CNTN3: variants seen among roughly 807,000 people sequenced by gnomAD.
The protein encoded by CNTN3 is contactin 3.
CNTN3 carries 60 observed loss-of-function variants against 119.1 expected under a neutral mutation model. That is an observed-to-expected ratio of 0.50 (90% confidence interval 0.41 to 0.62). The LOEUF (loss-of-function observed/expected upper bound fraction) is 0.62, where lower values mean the gene tolerates loss of function less well. Among genes scored for constraint, CNTN3 ranks in the 20% least tolerant of loss-of-function variants. The probability of loss-of-function intolerance (pLI) is 0.00; values close to 1 mark genes in which losing one functional copy is unlikely to be tolerated. For missense variants in CNTN3, 1,101 were observed against 1,242.4 expected, an observed-to-expected ratio of 0.89 and a Z score of 1.71; for synonymous variants, 450 against 438.7, an observed-to-expected ratio of 1.03 and a Z score of -0.32.
At chr3:74,328,992 T>C (rs1373387650) in intron 13 of CNTN3, among the ~76,000 whole-genome samples, 1 of 152,182 alleles carries the variant, frequency 6.6e-6, no homozygotes, top group Non-Finnish European at 1.5e-5. Flanking sequence ...AAACTCAGAA[T>C]ACCCCCAGAA....
chr3:74,388,962 C>A (rs979804744), intron 5 of CNTN3, among the ~76,000 whole-genome samples: 1 of 152,164 alleles, frequency 6.6e-6, no homozygotes, highest in Non-Finnish European at 1.5e-5. Flanking sequence ...GATCGATACA[C>A]GTACTCTGGC....
At chr3:74,348,558 A>T (rs1703745740) in intron 11 of CNTN3, among the ~76,000 whole-genome samples, 1 of 152,104 alleles carries the variant, frequency 6.6e-6, no homozygotes, top group African/African-American at 2.4e-5. Flanking sequence ...ATGATAGCAT[A>T]GGAAGCCTAC....
At chr3:74,285,821 A>AT (rs1342529563) in intron 19 of CNTN3, among the ~76,000 whole-genome samples, 1 of 131,312 alleles carries the variant, frequency 7.6e-6, no homozygotes, top group Non-Finnish European at 1.6e-5. Flanking sequence ...ATATATATAT[A>AT]TATATATATA....
intron 19 of CNTN3, among the ~76,000 whole-genome samples, chr3:74,289,499 G>A (rs888354198): frequency 6.6e-6 from 1 of 151,812 alleles, no homozygotes; most frequent in Non-Finnish European, 1.5e-5. Context: ...GTGGCCACTG[G>A]GTCCCACACT....
At chr3:74,339,860 A>G (rs919363419) in intron 11 of CNTN3, among the ~76,000 whole-genome samples, 2 of 151,800 alleles carry the variant, frequency 1.3e-5, no homozygotes, top group Non-Finnish European at 2.9e-5. Context: ...TAATACAAAC[A>G]CACACACATA....
At chr3:74,404,740 CT>C in intron 5 of CNTN3, among the ~76,000 whole-genome samples, 1 of 152,042 alleles carries the variant, frequency 6.6e-6, no homozygotes, top group South Asian at 2.1e-4. Context: ...CAAGATTTTT[CT>C]ACTGTGTGTT....
At chr3:74,383,738 G>C (rs924444208) in intron 5 of CNTN3, among the ~76,000 whole-genome samples, 4 of 152,246 alleles carry the variant, frequency 2.6e-5, no homozygotes, top group Non-Finnish European at 4.4e-5. Context: ...ACTCACTTCA[G>C]CCTCCCAAAG....
chr3:74,378,996 T>C (rs1253753650), intron 5 of CNTN3, among the ~76,000 whole-genome samples: 1 of 152,212 alleles, frequency 6.6e-6, no homozygotes, highest in African/African-American at 2.4e-5. Flanking sequence ...GAGCTATTTC[T>C]ACTAGGTAAC....
intron 4 of CNTN3, among the ~76,000 whole-genome samples, chr3:74,482,195 A>C (rs1261352769): frequency 6.6e-6 from 1 of 152,008 alleles, no homozygotes; most frequent in Non-Finnish European, 1.5e-5. Context: ...TAGCCAGAAA[A>C]GGATAAATAG....
intron 5 of CNTN3, among the ~76,000 whole-genome samples, chr3:74,374,305 A>T (rs1225915686): frequency 1.3e-5 from 2 of 150,798 alleles, no homozygotes. Context: ...TAATAAAAAA[A>T]CTTCTCCAGT....
chr3:74,324,650 T>C (rs1278589992), intron 13 of CNTN3, among the ~76,000 whole-genome samples: 1 of 152,180 alleles, frequency 6.6e-6, no homozygotes, highest in Non-Finnish European at 1.5e-5. Context: ...CAAAATAGTC[T>C]TCTGTAACCT....
intron 1 of CNTN3, among the ~76,000 whole-genome samples, chr3:74,565,388 C>T (rs890735737): frequency 1.3e-5 from 2 of 152,162 alleles, no homozygotes; most frequent in Non-Finnish European, 2.9e-5. Context: ...GTCACATCTC[C>T]TCTACCACTC....
intron 5 of CNTN3, among the ~76,000 whole-genome samples, chr3:74,413,911 A>T (rs1344198996): frequency 6.6e-6 from 1 of 152,212 alleles, no homozygotes; most frequent in Non-Finnish European, 1.5e-5. Flanking sequence ...CAGACAGAGC[A>T]ACAGTCACAG....
At chr3:74,405,251 T>A (rs1388158537) in intron 5 of CNTN3, among the ~76,000 whole-genome samples, 1 of 152,076 alleles carries the variant, frequency 6.6e-6, no homozygotes, top group Non-Finnish European at 1.5e-5. Flanking sequence ...TCCACACTCA[T>A]CGATAATCTA....
intron 4 of CNTN3, among the ~76,000 whole-genome samples, chr3:74,462,551 A>G (rs1327457982): frequency 1.3e-5 from 2 of 152,078 alleles, no homozygotes; most frequent in Non-Finnish European, 2.9e-5. Context: ...ATTAGATTGG[A>G]TATCAGCCAG....
chr3:74,399,947 G>T (rs1014133341), intron 5 of CNTN3, among the ~76,000 whole-genome samples: 3 of 152,112 alleles, frequency 2.0e-5, no homozygotes, highest in Admixed American at 2.0e-4. Flanking sequence ...GGCAACCATG[G>T]TGTCTTACTG....
intron 1 of CNTN3, among the ~76,000 whole-genome samples, chr3:74,525,861 G>C (rs79429508): frequency 1.3e-5 from 2 of 151,742 alleles, no homozygotes; most frequent in African/African-American, 4.8e-5. Context: ...AACCATTTGT[G>C]GCTAGTCATA....
chr3:74,318,668 G>C (rs891097068), intron 13 of CNTN3, among the ~76,000 whole-genome samples: 6 of 152,168 alleles, frequency 3.9e-5, no homozygotes, highest in African/African-American at 1.4e-4. Context: ...CTGTAGAACA[G>C]TGGATCTTGG....
chr3:74,451,868 A>G (rs1429318807), intron 4 of CNTN3, among the ~76,000 whole-genome samples: 54 of 143,506 alleles, frequency 3.8e-4, no homozygotes, highest in African/African-American at 1.3e-3. Flanking sequence ...TGTTCCATTG[A>G]TCTATATCTC....
Sources: gnomAD v4.1 joint callset for allele counts (sites outside exome capture counted in the v4.1 genomes callset) on GRCh38, gnomAD v4.1.1 for gene constraint, MANE v1.5 for transcripts, NCBI Gene and HGNC (gene_info 2026-07-23, HGNC 2026-07-21) for gene names.